The following SCAPER variants were observed in gnomAD, a reference collection of about 807,000 sequenced individuals.
SCAPER encodes S phase cyclin A-associated protein in the endoplasmic reticulum.
SCAPER carries 98 observed loss-of-function variants against 182.2 expected under a neutral mutation model. The observed-to-expected ratio is 0.54, with a 90% CI of 0.46 to 0.64. The LOEUF is 0.64. Ranked by LOEUF, SCAPER falls within the 30% of genes least tolerant of loss-of-function variation. The pLI, the probability that SCAPER is intolerant of heterozygous loss-of-function variation, is 0.00. For synonymous variants in SCAPER, 605 were observed against 564.6 expected, an observed-to-expected ratio of 1.07 and a Z score of -1.01; for missense variants, 1,432 against 1,690.0, an observed-to-expected ratio of 0.85 and a Z score of 2.68.
intron 2 of SCAPER, among the ~76,000 whole-genome samples, chr15:76,872,418 C>T (rs978991622): frequency 6.6e-6 from 1 of 151,910 alleles, no homozygotes; most frequent in Non-Finnish European, 1.5e-5. Flanking sequence ...TGATGAAAAC[C>T]TGAAACAAAG....
intron 23 of SCAPER, among the ~76,000 whole-genome samples, chr15:76,514,014 C>G (rs533759011): frequency 6.6e-6 from 1 of 152,252 alleles, no homozygotes; most frequent in East Asian, 1.9e-4. Context: ...ACTGTAAAGC[C>G]TATACTCTCC....
At chr15:76,467,569 T>A (rs577553857) in intron 25 of SCAPER, among the ~76,000 whole-genome samples, 7 of 152,182 alleles carry the variant, frequency 4.6e-5, no homozygotes, top group Admixed American at 4.6e-4. Context: ...CGAATTAAAC[T>A]TCTTCCCTCA....
intron 15 of SCAPER, among the ~76,000 whole-genome samples, chr15:76,747,983 T>A (rs2151157828): frequency 4.2e-4 from 1 of 2,354 alleles, no homozygotes; most frequent in Non-Finnish European, 1.5e-3. Context: ...TGGATATTCT[T>A]TTTTTTTTTT....
chr15:76,627,371 G>A (rs1412691816), intron 21 of SCAPER, among the ~76,000 whole-genome samples: 1 of 151,942 alleles, frequency 6.6e-6, no homozygotes, highest in African/African-American at 2.4e-5. Context: ...CCATGGGGGT[G>A]CACCTATCAA....
In SCAPER at chr15:76,895,241, CAT is replaced by C. The variant is rs149259010; in HGVS notation, c.-60+10056_-60+10057del. On this transcript the variant is annotated intron_variant, in intron 1 of 31. Coordinates refer to ENST00000563290, the MANE Select transcript of SCAPER (RefSeq NM_020843.4). The stretch of plus-strand genomic sequence containing the variant: ...ATGGTTCAACATATGCAAATTAACA[CAT>C]GAGATACACCACATTAACAGAACAA... Among the ~76,000 whole-genome samples the C allele has an allele frequency of 9.2e-3, 1,404 of 152,254 alleles. 20 individuals carry two copies. The highest frequency in any genetic ancestry group is 0.033 in the African/African-American group (1,353 of 41,546).
intron 23 of SCAPER, among the ~76,000 whole-genome samples, chr15:76,522,627 C>T (rs972014420): frequency 1.3e-5 from 2 of 151,922 alleles, no homozygotes; most frequent in Admixed American, 1.3e-4. Flanking sequence ...AGTATTTCAA[C>T]CATAAAGTGT....
intron 29 of SCAPER, among the ~76,000 whole-genome samples, chr15:76,370,965 C>A (rs1261856897): frequency 6.6e-6 from 1 of 152,178 alleles, no homozygotes; most frequent in East Asian, 1.9e-4. Flanking sequence ...ATCTTCTACA[C>A]CCCCCACCGC....
intron 23 of SCAPER, among the ~76,000 whole-genome samples, chr15:76,513,696 T>TA (rs757161155): frequency 3.9e-5 from 6 of 152,152 alleles, no homozygotes; most frequent in Non-Finnish European, 8.8e-5. Context: ...ACCATAATAA[T>TA]AAGACTGGAT....
rs1568327658 is a variant in SCAPER, at chr15:76,848,336, T to TGG, written c.196-6406_196-6405insCC. Among the ~76,000 whole-genome samples the TGG allele has an allele frequency of 1.5e-3, 215 of 144,200 alleles. 1 individual carries two copies. Among genetic ancestry groups the TGG allele is most frequent in the African/African-American group, 4.8e-3 (186 of 38,910 alleles). 94.6% of individuals were successfully genotyped at this position (144,200 alleles called of 152,430 possible). A position where few individuals can be genotyped will look rare whatever the true frequency, so the allele number is the denominator to read the frequency against. On this transcript the variant is annotated intron_variant, in intron 4 of 31. Coordinates refer to ENST00000563290, the MANE Select transcript of SCAPER (RefSeq NM_020843.4). Reference sequence around the variant, plus strand: ...GTTTTTTTTGGGGTTTTTTTTTTTTTTTTTTTTTTTGACACAGAGTCTCGC... The same window carrying TGG: ...GTTTTTTTTGGGGTTTTTTTTTTTTTGGTTTTTTTTTTGACACAGAGTCTCGC...
intron 20 of SCAPER, among the ~76,000 whole-genome samples, chr15:76,696,129 T>C (rs1475313938): frequency 6.6e-6 from 1 of 152,202 alleles, no homozygotes; most frequent in Non-Finnish European, 1.5e-5. Flanking sequence ...AGGAAATAAA[T>C]GGGTCTATAT....
chr15:76,355,749 C>T (rs1291894488), intron 29 of SCAPER, among the ~76,000 whole-genome samples: 1 of 152,190 alleles, frequency 6.6e-6, no homozygotes, highest in African/African-American at 2.4e-5. Context: ...GGAACTTACT[C>T]CATTTGGGCT....
intron 15 of SCAPER, among the ~76,000 whole-genome samples, chr15:76,735,122 G>A (rs1264110096): frequency 6.6e-6 from 1 of 152,032 alleles, no homozygotes; most frequent in East Asian, 1.9e-4. Flanking sequence ...CGGGCAGGAG[G>A]ATTGCTTGAG....
chr15:76,590,902 T>G (rs531066375), intron 22 of SCAPER, among the ~76,000 whole-genome samples: 2 of 152,348 alleles, frequency 1.3e-5, no homozygotes, highest in South Asian at 4.1e-4. Context: ...TGAGTGGAAC[T>G]GAAGGCCATT....
intron 25 of SCAPER, among the ~76,000 whole-genome samples, chr15:76,456,437 C>T (rs80170076): frequency 6.6e-6 from 1 of 152,104 alleles, no homozygotes; most frequent in Admixed American, 6.5e-5. Context: ...TAACTTCATC[C>T]CACTGTCTTC....
intron 14 of SCAPER, among the ~76,000 whole-genome samples, chr15:76,762,920 G>A (rs1216718896): frequency 2.0e-5 from 3 of 152,112 alleles, no homozygotes; most frequent in Non-Finnish European, 4.4e-5. Context: ...GCCTCCTAAA[G>A]TACTGGGATT....
At chr15:76,381,246 AAT>A (rs1947597570) in intron 28 of SCAPER, 130 bp downstream of exon 28, 4 of 517,512 alleles carry the variant, frequency 7.7e-6, no homozygotes, top group Admixed American at 3.5e-5. Context: ...AATAAATTAT[AAT>A]ATATATTATA....
chr15:76,360,040 G>T (rs2041289192), intron 29 of SCAPER, among the ~76,000 whole-genome samples: 1 of 152,154 alleles, frequency 6.6e-6, no homozygotes, highest in Admixed American at 6.5e-5. Flanking sequence ...AATAGATTTT[G>T]TGATAAGCTG....
chr15:76,584,945 A>C (rs2048527704), intron 22 of SCAPER, among the ~76,000 whole-genome samples: 1 of 152,230 alleles, frequency 6.6e-6, no homozygotes, highest in Non-Finnish European at 1.5e-5. Flanking sequence ...AATTTTTCAA[A>C]GAATACAACA....
At chr15:76,788,780 T>C (rs1179926965) in intron 8 of SCAPER, among the ~76,000 whole-genome samples, 2 of 152,160 alleles carry the variant, frequency 1.3e-5, no homozygotes, top group African/African-American at 2.4e-5. Context: ...GAGAAAACAG[T>C]ATAATGAACC....
Sources: allele counts gnomAD v4.1 joint callset (sites outside exome capture counted in the v4.1 genomes callset), GRCh38; gene constraint gnomAD v4.1.1; transcripts MANE v1.5; gene names NCBI Gene and HGNC (gene_info 2026-07-23, HGNC 2026-07-21).